The following GPHN variants were observed in gnomAD, a reference collection of about 807,000 sequenced individuals.
The protein encoded by GPHN is gephyrin.
GPHN carries 17 observed loss-of-function variants against 95.5 expected under a neutral mutation model. That is an observed-to-expected ratio of 0.18 (90% CI 0.12 to 0.27). GPHN has a LOEUF of 0.27. Ranked by LOEUF, GPHN falls within the 10% of genes least tolerant of loss-of-function variation. The pLI is 1.00. For synonymous variants in GPHN, 320 were observed against 322.5 expected (o/e 0.99, Z 0.08); for missense variants, 660 against 978.1 (o/e 0.67, Z 4.34).
chr14:67,368,085 G>C, the GPHN span, among the ~76,000 whole-genome samples: 51 of 152,282 alleles, frequency 3.3e-4, no homozygotes, highest in East Asian at 9.6e-3. Flanking sequence ...AAGGGGGCTT[G>C]ATGTGCCATG....
At chr14:66,552,073 CA>C (rs1201469596) in intron 1 of GPHN, among the ~76,000 whole-genome samples, 11 of 152,172 alleles carry the variant, frequency 7.2e-5, no homozygotes, top group Non-Finnish European at 1.2e-4. Context: ...ATCTAAAAAT[CA>C]TGAAGTCATC....
the GPHN span, chr14:67,734,203 AG>A: frequency 3.4e-6 from 1 of 293,410 alleles, no homozygotes; most frequent in Non-Finnish European, 6.8e-6. Flanking sequence ...TGAGGCAAGA[AG>A]AGCACCATCA....
intron 9 of GPHN, among the ~76,000 whole-genome samples, chr14:67,004,948 C>G (rs1324020693): frequency 6.6e-6 from 1 of 151,636 alleles, no homozygotes; most frequent in Non-Finnish European, 1.5e-5. Context: ...TCCTTTAAAT[C>G]ATTTAATCGG....
At chr14:67,691,360 A>C in the GPHN span, 1 of 669,564 alleles carries the variant, frequency 1.5e-6, no homozygotes, top group Non-Finnish European at 2.6e-6. Flanking sequence ...TCTTCCCTCC[A>C]TTTTTCCTTC....
the GPHN span, among the ~76,000 whole-genome samples, chr14:67,564,143 C>T: frequency 6.6e-6 from 1 of 151,904 alleles, no homozygotes; most frequent in Non-Finnish European, 1.5e-5. Context: ...CCTCGTGATC[C>T]GCCCGCCTCA....
At chr14:67,698,983 G>A in the GPHN span, among the ~76,000 whole-genome samples, 1 of 152,152 alleles carries the variant, frequency 6.6e-6, no homozygotes, top group African/African-American at 2.4e-5. Context: ...AGGCATGTTG[G>A]CTCATGCCTG....
chr14:67,690,382 T>C, the GPHN span: 2 of 1,614,226 alleles, frequency 1.2e-6, no homozygotes, highest in Non-Finnish European at 1.7e-6. Flanking sequence ...GGCTGATTCC[T>C]TTAGTTTCTC....
chr14:66,855,702 A>G (rs980137427), intron 4 of GPHN, among the ~76,000 whole-genome samples: 5 of 152,054 alleles, frequency 3.3e-5, no homozygotes, highest in Admixed American at 2.6e-4. Flanking sequence ...AAGAAATTAA[A>G]CTGTTTAAGA....
chr14:67,508,753 C>CAAAAAAAAAAAAAAAAAAAAAAAAA, the GPHN span, among the ~76,000 whole-genome samples: 95 of 46,614 alleles, frequency 2.0e-3, 5 homozygotes, highest in Non-Finnish European at 3.1e-3. Flanking sequence ...AACCTTGTCT[C>CAAAAAAAAAAAAAAAAAAAAAAAAA]AAAAAAAAAA....
At chr14:66,878,613 A>G (rs2063781934) in intron 4 of GPHN, among the ~76,000 whole-genome samples, 1 of 152,228 alleles carries the variant, frequency 6.6e-6, no homozygotes, top group Non-Finnish European at 1.5e-5. Flanking sequence ...ATATGTAAAA[A>G]AGCTAAGGGT....
Position 66,818,494 on chromosome 14 carries a change from G to T in GPHN, c.202-5980G>T, listed in dbSNP as rs981403741. 6.6e-5 allele frequency among the ~76,000 whole-genome samples: 10 copies of T among 152,238 alleles called. 1 individual carries two copies. In the East Asian group the frequency reaches 1.5e-3, roughly 23 times the overall value. ...ATAGGTACCACATTTTCTTTATTCA[G>T]TCTGTCATTGATGGGCATTTGGGTT... On this transcript the variant is annotated intron_variant, in intron 3 of 22. Transcript: ENST00000478722.
the GPHN span, among the ~76,000 whole-genome samples, chr14:67,636,994 A>G: frequency 6.6e-6 from 1 of 152,210 alleles, no homozygotes; most frequent in East Asian, 1.9e-4. Flanking sequence ...AGCCAGACAC[A>G]TATTCCTTAC....
chr14:67,688,596 C>G, the GPHN span, among the ~76,000 whole-genome samples: 2 of 140,108 alleles, frequency 1.4e-5, no homozygotes, highest in Non-Finnish European at 3.2e-5. Flanking sequence ...ATGCTTTGAA[C>G]TCTTTTTTTT....
chr14:66,667,086 G>A (rs750648649), intron 1 of GPHN, among the ~76,000 whole-genome samples: 8 of 152,078 alleles, frequency 5.3e-5, no homozygotes, highest in Non-Finnish European at 1.0e-4. Flanking sequence ...ACAACAAAGC[G>A]AAAGATCTCT....
At chr14:67,554,180 A>G in the GPHN span, among the ~76,000 whole-genome samples, 1 of 152,234 alleles carries the variant, frequency 6.6e-6, no homozygotes, top group African/African-American at 2.4e-5. Context: ...GTTCCCAAAT[A>G]TGAACTACTG....
chr14:67,010,003 C>T (rs983933044), intron 9 of GPHN, among the ~76,000 whole-genome samples: 60 of 152,024 alleles, frequency 3.9e-4, no homozygotes, highest in Non-Finnish European at 1.5e-4. Context: ...AGGTGATTTG[C>T]CCGCCTCGGC....
At chr14:66,668,558 AC>A (rs1465641876) in intron 1 of GPHN, among the ~76,000 whole-genome samples, 3 of 152,202 alleles carry the variant, frequency 2.0e-5, no homozygotes, top group African/African-American at 7.2e-5. Context: ...ACATGTTCTT[AC>A]TTAGGAATGG....
the GPHN span, chr14:67,586,774 A>G: frequency 7.4e-7 from 1 of 1,350,534 alleles, no homozygotes; most frequent in South Asian, 1.3e-5. Flanking sequence ...GGATCTCCAG[A>G]TCCCTTTCTT....
chr14:67,553,950 C>T, the GPHN span, among the ~76,000 whole-genome samples: 2 of 152,150 alleles, frequency 1.3e-5, no homozygotes, highest in Admixed American at 6.5e-5. Context: ...GGCTTGAACA[C>T]GTGAATGCCT....
Sources: gnomAD v4.1 joint callset for allele counts (sites outside exome capture counted in the v4.1 genomes callset) on GRCh38, gnomAD v4.1.1 for gene constraint, MANE v1.5 for transcripts, NCBI Gene and HGNC (gene_info 2026-07-23, HGNC 2026-07-21) for gene names.